ANKRD6: variants seen among roughly 807,000 people sequenced by gnomAD.
ANKRD6 encodes the protein ankyrin repeat domain-containing protein 6.
In ANKRD6, 56 loss-of-function variants were observed where a neutral mutation model predicts 82.3. That is an observed-to-expected ratio of 0.68 (90% CI 0.55 to 0.85). The LOEUF (loss-of-function observed/expected upper bound fraction) is 0.85, where lower values mean the gene tolerates loss of function less well. ANKRD6 is among the 40% of genes least tolerant of loss of function. ANKRD6 has a pLI of 0.00. For missense variants in ANKRD6, 852 were observed against 907.6 expected, an observed-to-expected ratio of 0.94 and a Z score of 0.79; for synonymous variants, 347 against 352.1, an observed-to-expected ratio of 0.99 and a Z score of 0.16.
intron 2 of ANKRD6, among the ~76,000 whole-genome samples, chr6:89,576,891 T>C (rs1412063493): frequency 6.6e-6 from 1 of 152,146 alleles, no homozygotes; most frequent in Non-Finnish European, 1.5e-5. Flanking sequence ...TCGCCCTGTC[T>C]CCTGATCCCC....
At chr6:89,526,855 C>T (rs1361311220) in intron 1 of ANKRD6, among the ~76,000 whole-genome samples, 2 of 152,202 alleles carry the variant, frequency 1.3e-5, no homozygotes, top group Non-Finnish European at 2.9e-5. Context: ...GAGAAAATTC[C>T]CAGCTCAACT....
chr6:89,456,687 G>A (rs1773548447), intron 1 of ANKRD6, among the ~76,000 whole-genome samples: 2 of 152,010 alleles, frequency 1.3e-5, no homozygotes, highest in African/African-American at 4.8e-5. Flanking sequence ...TTTATTACTT[G>A]TCTATCAAAA....
intron 4 of ANKRD6, 87 bp downstream of exon 4, chr6:89,603,214 T>G: frequency 8.8e-7 from 1 of 1,138,186 alleles, no homozygotes; most frequent in East Asian, 2.6e-5. Flanking sequence ...TGGAAACTTT[T>G]GAGTCCTCGA....
intron 1 of ANKRD6, among the ~76,000 whole-genome samples, chr6:89,481,176 T>C (rs1283881642): frequency 2.0e-5 from 3 of 152,072 alleles, no homozygotes; most frequent in African/African-American, 7.2e-5. Context: ...AAAATGAGCA[T>C]CCCCCACTTT....
rs947094458 is a variant in ANKRD6, at chr6:89,624,136, G to A, written c.1218+79G>A. On this transcript the variant is annotated intron_variant, in intron 12 of 15. Transcript: ENST00000339746. Reference sequence around the variant, plus strand: ...TTGTTTAACGGCATTCCTGGGGGCTGATAGGCACTTTAGGCATTGACTTAG... The same window carrying A: ...TTGTTTAACGGCATTCCTGGGGGCTAATAGGCACTTTAGGCATTGACTTAG... The A allele has an allele frequency of 1.8e-5, 26 of 1,439,166 alleles. No homozygotes were observed. The Admixed American group carries it at 6.0e-4, about 33-fold the overall frequency. The allele number at this position is 1,439,166 out of a possible 1,614,324, so 89.1% of individuals were successfully genotyped here.
chr6:89,525,888 A>G (rs1330786017), intron 1 of ANKRD6, among the ~76,000 whole-genome samples: 1 of 152,242 alleles, frequency 6.6e-6, no homozygotes, highest in Non-Finnish European at 1.5e-5. Flanking sequence ...TTATCAGGAA[A>G]GAATGTATGT....
In ANKRD6 at chr6:89,630,890, A is replaced by T; in HGVS notation, c.2070A>T (p.Ala690=). 6.2e-7 allele frequency: 1 copy of T among 1,613,556 alleles called. No individual in the cohort carries two copies. Among genetic ancestry groups the T allele is most frequent in the African/African-American group, 1.3e-5 (1 of 75,066 alleles). ...GGTATGAAAGGAAGATTGAAGAAGC[A>T]CGAAGCCAAGCCAATCAGAAAGCCC... ...EKWYERKIEE[A]RSQANQKAQQ... Residue 690 remains alanine, a synonymous_variant, in exon 16 of 16, where the codon GCA becomes GCT. Coordinates refer to ENST00000339746, the MANE Select transcript of ANKRD6 (RefSeq NM_001242809.2).
At chr6:89,517,693 C>T (rs542308349) in intron 1 of ANKRD6, among the ~76,000 whole-genome samples, 1 of 152,240 alleles carries the variant, frequency 6.6e-6, no homozygotes, top group South Asian at 2.1e-4. Flanking sequence ...TTATTCTGAC[C>T]ACCTGTAACC....
At chr6:89,559,864 C>T (rs139457727) in intron 1 of ANKRD6, among the ~76,000 whole-genome samples, 2 of 152,270 alleles carry the variant, frequency 1.3e-5, no homozygotes, top group African/African-American at 4.8e-5. Context: ...GAGCCAGAGC[C>T]TGCCTCATCT....
At chr6:89,435,321 CT>C (rs1344034367) in intron 1 of ANKRD6, among the ~76,000 whole-genome samples, 1 of 152,192 alleles carries the variant, frequency 6.6e-6, no homozygotes, top group Non-Finnish European at 1.5e-5. Flanking sequence ...CCTGGAGCCC[CT>C]GAGTACCCCT....
chr6:89,474,275 G>A (rs937620008), intron 1 of ANKRD6, among the ~76,000 whole-genome samples: 1 of 152,172 alleles, frequency 6.6e-6, no homozygotes, highest in Non-Finnish European at 1.5e-5. Context: ...TGTGTGTGAT[G>A]CTACACAGCT....
chr6:89,614,449 C>T (rs990538606), intron 7 of ANKRD6, among the ~76,000 whole-genome samples: 2 of 152,044 alleles, frequency 1.3e-5, no homozygotes, highest in Non-Finnish European at 2.9e-5. Flanking sequence ...AGTTCAAGAC[C>T]GGCCTGGCCA....
intron 1 of ANKRD6, among the ~76,000 whole-genome samples, chr6:89,537,315 A>G (rs1005163979): frequency 2.0e-5 from 3 of 152,168 alleles, no homozygotes; most frequent in Non-Finnish European, 2.9e-5. Flanking sequence ...GTACAGTGAC[A>G]TACTTGTGAA....
At chr6:89,493,586 T>C (rs559013177) in intron 1 of ANKRD6, among the ~76,000 whole-genome samples, 57 of 152,094 alleles carry the variant, frequency 3.7e-4, no homozygotes, top group African/African-American at 1.3e-3. Flanking sequence ...ATTTTTAAAT[T>C]TTTTTTTGTA....
intron 5 of ANKRD6, among the ~76,000 whole-genome samples, chr6:89,608,087 T>A (rs778734132): frequency 7.9e-5 from 12 of 152,190 alleles, no homozygotes; most frequent in Non-Finnish European, 1.5e-4. Flanking sequence ...ATATACTTTA[T>A]CTCAAAAATA....
intron 9 of ANKRD6, among the ~76,000 whole-genome samples, chr6:89,620,941 C>T (rs762737039): frequency 3.3e-5 from 5 of 151,978 alleles, no homozygotes; most frequent in East Asian, 1.9e-4. Flanking sequence ...TGGTGGCGGG[C>T]GCCTGTAGTC....
intron 1 of ANKRD6, among the ~76,000 whole-genome samples, chr6:89,490,068 A>G (rs921540475): frequency 7.2e-5 from 11 of 152,194 alleles, no homozygotes; most frequent in Non-Finnish European, 1.2e-4. Context: ...ATTTTTTCCA[A>G]TGGCATCTAA....
rs142016357 is a variant in ANKRD6 at position 89,591,206 on chromosome 6, C to A, written c.121-4710C>A. Among the ~76,000 whole-genome samples the A allele has an allele frequency of 2.1e-3, 327 of 152,304 alleles. 1 individual carries two copies. Among genetic ancestry groups the A allele is most frequent in the African/African-American group, 7.5e-3 (312 of 41,558 alleles). On this transcript the variant is annotated intron_variant, in intron 2 of 15. Coordinates refer to ENST00000339746, the MANE Select transcript of ANKRD6 (RefSeq NM_001242809.2). ...GCAGCCTTGATTTCCTGGGCTCCATCCATCCAGCCTCCTCAGCCTCCTGAG... is the reference window on the plus strand; with the variant it reads ...GCAGCCTTGATTTCCTGGGCTCCATACATCCAGCCTCCTCAGCCTCCTGAG...
Position 89,475,267 on chromosome 6 carries a change from T to C in ANKRD6, c.-144+41892T>C, listed in dbSNP as rs149255441. ...CCAAACCTAAAATCTGGACCTTTCT[T>C]ACTTAAGCAAAAATATCAGAGTCAT... is the stretch of plus-strand genomic sequence containing the variant. On this transcript the variant is annotated intron_variant, in intron 1 of 15. Coordinates refer to ENST00000339746, the MANE Select transcript of ANKRD6 (RefSeq NM_001242809.2). Among the ~76,000 whole-genome samples the C allele has an allele frequency of 3.3e-4, 51 of 152,318 alleles. 1 individual carries two copies. The highest frequency in any genetic ancestry group is 9.9e-4 in the African/African-American group (41 of 41,564).
Sources: allele counts gnomAD v4.1 joint callset (sites outside exome capture counted in the v4.1 genomes callset), GRCh38; gene constraint gnomAD v4.1.1; transcripts MANE v1.5; gene names NCBI Gene and HGNC (gene_info 2026-07-23, HGNC 2026-07-21).